FARP1: variants seen among roughly 807,000 people sequenced by gnomAD.
The protein encoded by FARP1 is FERM, ARHGEF and pleckstrin domain-containing protein 1.
Under a neutral mutation model 128.8 loss-of-function variants are expected in FARP1, and 52 were observed. That is an observed-to-expected ratio of 0.40 (90% confidence interval 0.32 to 0.51). The LOEUF (loss-of-function observed/expected upper bound fraction) is 0.51, where lower values mean the gene tolerates loss of function less well. FARP1 is among the 20% of genes least tolerant of loss of function. The pLI is 0.45. For synonymous variants in FARP1, 580 were observed against 551.8 expected (o/e 1.05, Z -0.72); for missense variants, 1,333 against 1,367.9 (o/e 0.97, Z 0.40).
At chr13:98,413,548 T>C (rs1891265067) in intron 16 of FARP1, among the ~76,000 whole-genome samples, 1 of 152,072 alleles carries the variant, frequency 6.6e-6, no homozygotes, top group Admixed American at 6.5e-5. Context: ...TGGTCCCAGC[T>C]ACTGGAGAGG....
intron 2 of FARP1, among the ~76,000 whole-genome samples, chr13:98,261,454 T>C (rs753069091): frequency 2.8e-4 from 43 of 152,180 alleles, no homozygotes; most frequent in Non-Finnish European, 2.2e-4. Flanking sequence ...CCTCCCTTCG[T>C]TGACCAGATC....
chr13:98,439,654 A>G (rs1892441628), intron 21 of FARP1, among the ~76,000 whole-genome samples: 1 of 152,174 alleles, frequency 6.6e-6, no homozygotes, highest in South Asian at 2.1e-4. Flanking sequence ...CCCCCTTGGC[A>G]GGCAGGTGTA....
At chr13:98,223,458 G>A (rs9300467) in intron 2 of FARP1, among the ~76,000 whole-genome samples, 50,742 of 152,026 alleles carry the variant, frequency 0.33, 8,941 homozygotes, top group Middle Eastern at 0.48. Flanking sequence ...CCCGACAGCT[G>A]GGACTACGGG....
chr13:98,323,057 C>A (rs1887069946), intron 2 of FARP1, among the ~76,000 whole-genome samples: 1 of 152,134 alleles, frequency 6.6e-6, no homozygotes, highest in Non-Finnish European at 1.5e-5. Flanking sequence ...GTAATAGTGG[C>A]TACTAACATT....
intron 2 of FARP1, among the ~76,000 whole-genome samples, chr13:98,321,094 G>A (rs189742263): frequency 1.2e-4 from 18 of 152,306 alleles, no homozygotes; most frequent in Non-Finnish European, 1.8e-4. Flanking sequence ...TATGATGTGT[G>A]AGTGTCCCCA....
At chr13:98,437,447 T>C (rs1220221485) in intron 19 of FARP1, among the ~76,000 whole-genome samples, 8 of 148,316 alleles carry the variant, frequency 5.4e-5, no homozygotes, top group Non-Finnish European at 8.9e-5. Flanking sequence ...ATTCGAGAAG[T>C]AGGAAAATAC....
chr13:98,371,444 G>A (rs74108870), intron 5 of FARP1, among the ~76,000 whole-genome samples: 2,767 of 152,078 alleles, frequency 0.018, 90 homozygotes, highest in African/African-American at 0.062. Context: ...GGACGGAGCA[G>A]GTTTTTGTTG....
chr13:98,218,696 A>G (rs1267742917), intron 2 of FARP1, among the ~76,000 whole-genome samples: 1 of 152,144 alleles, frequency 6.6e-6, no homozygotes, highest in Non-Finnish European at 1.5e-5. Context: ...GCCGCAGGAA[A>G]TGTTGTGATT....
At chr13:98,408,587 C>T (rs1245651112) in intron 13 of FARP1, among the ~76,000 whole-genome samples, 1 of 152,166 alleles carries the variant, frequency 6.6e-6, no homozygotes, top group African/African-American at 2.4e-5. Flanking sequence ...CCTCGGCCTC[C>T]CAAAGTGCTG....
At chr13:98,432,081 A>G (rs1463954036) in intron 18 of FARP1, 1 of 152,224 alleles carries the variant, frequency 6.6e-6, no homozygotes, top group East Asian at 1.9e-4. Flanking sequence ...AGGTGAGTTC[A>G]TCTTACATAT....
chr13:98,302,220 G>C (rs1486065900), intron 2 of FARP1, among the ~76,000 whole-genome samples: 2 of 152,182 alleles, frequency 1.3e-5, no homozygotes, highest in Non-Finnish European at 2.9e-5. Context: ...GAATAATGGG[G>C]CAAACACGTG....
intron 1 of FARP1, among the ~76,000 whole-genome samples, chr13:98,146,881 T>A (rs9556886): frequency 1.3e-5 from 2 of 151,898 alleles, no homozygotes; most frequent in Non-Finnish European, 2.9e-5. Context: ...TCTTTTCTTG[T>A]CTTTTAGTGT....
At chr13:98,315,134 A>G (rs1886665637) in intron 2 of FARP1, among the ~76,000 whole-genome samples, 4 of 152,096 alleles carry the variant, frequency 2.6e-5, no homozygotes, top group Admixed American at 2.6e-4. Flanking sequence ...AATTTTGTTC[A>G]TTTGTTTGTT....
At chr13:98,369,353 C>T (rs1189879134) in intron 5 of FARP1, among the ~76,000 whole-genome samples, 4 of 139,100 alleles carry the variant, frequency 2.9e-5, no homozygotes, top group South Asian at 2.4e-4. Flanking sequence ...CAGCCTAATT[C>T]TTTTTTTTTT....
At chr13:98,277,736 A>G in intron 2 of FARP1, among the ~76,000 whole-genome samples, 1 of 152,162 alleles carries the variant, frequency 6.6e-6, no homozygotes, top group East Asian at 1.9e-4. Context: ...TCAGGTTCTC[A>G]AGAAACATGG....
rs147029325 is a variant in FARP1 at position 98,420,536 on chromosome 13, C to T, written c.1827-4036C>T. ...TCATGACGTGTGTGGGTGTGTGTTGCGTCCTTTGCTGAGGTGATGTGTAGT... is the reference window on the plus strand; with the variant it reads ...TCATGACGTGTGTGGGTGTGTGTTGTGTCCTTTGCTGAGGTGATGTGTAGT... On this transcript the variant is annotated intron_variant, in intron 16 of 26. Transcript: ENST00000319562. Among the ~76,000 whole-genome samples, 21 of 152,272 alleles carry T rather than the reference C, an allele frequency of 1.4e-4. No individual in the cohort carries two copies. The East Asian group carries it at 2.1e-3, about 15-fold the overall frequency.
chr13:98,145,506 TTCACC>T (rs1875464279), intron 1 of FARP1, among the ~76,000 whole-genome samples: 1 of 152,214 alleles, frequency 6.6e-6, no homozygotes, highest in Admixed American at 6.5e-5. Context: ...GGTTATTGCA[TTCACC>T]TCAGAATTAT....
chr13:98,192,179 T>C (rs1203867104), intron 1 of FARP1, among the ~76,000 whole-genome samples: 1 of 152,232 alleles, frequency 6.6e-6, no homozygotes, highest in East Asian at 1.9e-4. Flanking sequence ...TAGACTGTTC[T>C]AGGCAGCAGA....
chr13:98,405,368 A>G (rs1458029365), intron 13 of FARP1: 2 of 152,198 alleles, frequency 1.3e-5, no homozygotes, highest in Non-Finnish European at 2.9e-5. Context: ...AAGTTCCGTA[A>G]TTGTTTGTGC....
Sources: gnomAD v4.1 joint callset for allele counts (sites outside exome capture counted in the v4.1 genomes callset) on GRCh38, gnomAD v4.1.1 for gene constraint, MANE v1.5 for transcripts, NCBI Gene and HGNC (gene_info 2026-07-23, HGNC 2026-07-21) for gene names.